The following CORIN variants were observed in gnomAD, a reference collection of about 807,000 sequenced individuals.
CORIN encodes atrial natriuretic peptide-converting enzyme.
A neutral mutation model predicts 125.3 loss-of-function variants in CORIN; 117 were observed. The observed-to-expected ratio is 0.93, with a 90% CI of 0.80 to 1.09. The LOEUF (loss-of-function observed/expected upper bound fraction) is 1.09. Ranked by LOEUF, CORIN falls within the 50% of genes least tolerant of loss-of-function variation. The pLI, the probability that CORIN is intolerant of heterozygous loss-of-function variation, is 0.00. For synonymous variants in CORIN, 450 were observed against 466.4 expected, an observed-to-expected ratio of 0.96 and a Z score of 0.45; for missense variants, 1,253 against 1,306.7, an observed-to-expected ratio of 0.96 and a Z score of 0.63.
At chr4:47,701,772 C>G (rs1473217886) in intron 5 of CORIN, among the ~76,000 whole-genome samples, 2 of 118,850 alleles carry the variant, frequency 1.7e-5, no homozygotes, top group Non-Finnish European at 3.3e-5. Context: ...AAGCAGAAAT[C>G]TAAAGAATCT....
At chr4:47,816,611 G>A (rs889302711) in intron 1 of CORIN, among the ~76,000 whole-genome samples, 3 of 152,112 alleles carry the variant, frequency 2.0e-5, no homozygotes, top group East Asian at 1.9e-4. Context: ...TCAACCATAG[G>A]TGCAGTGTGA....
At chr4:47,813,524 G>C (rs1281133501) in intron 1 of CORIN, among the ~76,000 whole-genome samples, 3 of 152,164 alleles carry the variant, frequency 2.0e-5, no homozygotes, top group African/African-American at 4.8e-5. Flanking sequence ...ATCAGACATA[G>C]AGATATGTTG....
At chr4:47,800,615 G>A (rs1731497911) in intron 2 of CORIN, among the ~76,000 whole-genome samples, 1 of 152,156 alleles carries the variant, frequency 6.6e-6, no homozygotes, top group African/African-American at 2.4e-5. Context: ...GTCTGGAAGG[G>A]TGTTGACTCT....
At chr4:47,685,388 C>T (rs1045574348) in intron 6 of CORIN, among the ~76,000 whole-genome samples, 43 of 152,104 alleles carry the variant, frequency 2.8e-4, no homozygotes, top group African/African-American at 8.2e-4. Context: ...CAAAAAGTTA[C>T]GCTGTGTGAA....
At chr4:47,688,167 A>G (rs1725605230) in intron 6 of CORIN, among the ~76,000 whole-genome samples, 1 of 152,124 alleles carries the variant, frequency 6.6e-6, no homozygotes, top group Admixed American at 6.5e-5. Flanking sequence ...CATCTTTTCC[A>G]TCAGCTGTCT....
chr4:47,816,042 A>G (rs1286265247), intron 1 of CORIN, among the ~76,000 whole-genome samples: 4 of 152,238 alleles, frequency 2.6e-5, no homozygotes, highest in Admixed American at 2.6e-4. Context: ...GTAGCGAATT[A>G]AAAGATTGAC....
At chr4:47,621,609 G>T in intron 19 of CORIN, among the ~76,000 whole-genome samples, 1 of 152,190 alleles carries the variant, frequency 6.6e-6, no homozygotes, top group East Asian at 1.9e-4. Context: ...AGTGATGTTC[G>T]TCAGTTTGGG....
At chr4:47,675,682 A>G (rs1236670143) in intron 9 of CORIN, among the ~76,000 whole-genome samples, 1 of 152,188 alleles carries the variant, frequency 6.6e-6, no homozygotes, top group Non-Finnish European at 1.5e-5. Context: ...ATCATCCTGA[A>G]CAAAACCTTC....
intron 2 of CORIN, among the ~76,000 whole-genome samples, chr4:47,797,905 T>G (rs1731369895): frequency 6.6e-6 from 1 of 152,110 alleles, no homozygotes; most frequent in Non-Finnish European, 1.5e-5. Context: ...AGCCAGACTT[T>G]CTAGTGCCAA....
At chr4:47,671,443 T>C (rs1724753418) in intron 10 of CORIN, among the ~76,000 whole-genome samples, 1 of 152,250 alleles carries the variant, frequency 6.6e-6, no homozygotes, top group Non-Finnish European at 1.5e-5. Flanking sequence ...TATTTTCAAA[T>C]GTATGAAGGA....
intron 16 of CORIN, among the ~76,000 whole-genome samples, chr4:47,640,750 T>C (rs1264851981): frequency 3.3e-5 from 5 of 152,174 alleles, no homozygotes; most frequent in Non-Finnish European, 5.9e-5. Flanking sequence ...AGAACAGCTA[T>C]GTTCAGGGTG....
intron 19 of CORIN, among the ~76,000 whole-genome samples, chr4:47,608,209 T>A (rs1384234111): frequency 6.6e-6 from 1 of 151,986 alleles, no homozygotes; most frequent in African/African-American, 2.4e-5. Context: ...TAACCCCAGC[T>A]ACTCAGGAGG....
intron 12 of CORIN, among the ~76,000 whole-genome samples, chr4:47,659,459 C>A (rs146676049): frequency 6.6e-6 from 1 of 152,150 alleles, no homozygotes; most frequent in Non-Finnish European, 1.5e-5. Context: ...TTTACAGGAA[C>A]CATGGTGAAG....
intron 13 of CORIN, 98 bp from the exon 14 acceptor site, chr4:47,645,292 T>C (rs961079930): frequency 2.7e-6 from 2 of 731,802 alleles, no homozygotes; most frequent in Non-Finnish European, 4.6e-6. Flanking sequence ...AGGCATGATG[T>C]TGGCAGGGCG....
At chr4:47,718,098 C>T (rs1275411244) in intron 5 of CORIN, among the ~76,000 whole-genome samples, 4 of 152,164 alleles carry the variant, frequency 2.6e-5, no homozygotes, top group Non-Finnish European at 4.4e-5. Context: ...TGACTATGTG[C>T]CAAGTGCTGA....
At chr4:47,702,853 T>C (rs1285008742) in intron 5 of CORIN, among the ~76,000 whole-genome samples, 1 of 152,248 alleles carries the variant, frequency 6.6e-6, no homozygotes, top group Non-Finnish European at 1.5e-5. Context: ...ATTGCATCAC[T>C]TTCCTACCTA....
At chr4:47,710,477 A>G (rs1334858262) in intron 5 of CORIN, among the ~76,000 whole-genome samples, 2 of 152,234 alleles carry the variant, frequency 1.3e-5, no homozygotes, top group African/African-American at 4.8e-5. Context: ...TGATGTTGCC[A>G]AGCAGTTTCT....
chr4:47,641,384 G>T (rs563130789), intron 16 of CORIN, among the ~76,000 whole-genome samples: 1 of 152,232 alleles, frequency 6.6e-6, no homozygotes, highest in Non-Finnish European at 1.5e-5. Flanking sequence ...TCACAAAATA[G>T]CAAGTATCTA....
chr4:47,692,626 T>C (rs886634492), intron 6 of CORIN, among the ~76,000 whole-genome samples: 1 of 151,906 alleles, frequency 6.6e-6, no homozygotes, highest in African/African-American at 2.4e-5. Flanking sequence ...AAAATGTTGC[T>C]ATAAAAATGT....
Sources: allele counts gnomAD v4.1 joint callset (sites outside exome capture counted in the v4.1 genomes callset), GRCh38; gene constraint gnomAD v4.1.1; transcripts MANE v1.5; gene names NCBI Gene and HGNC (gene_info 2026-07-23, HGNC 2026-07-21).